CENPU: variants seen among roughly 807,000 people sequenced by gnomAD.
CENPU encodes centromere protein U.
CENPU carries 46 observed loss-of-function variants against 56.7 expected under a neutral mutation model. The ratio of observed to expected loss-of-function variants is 0.81; its 90% CI spans 0.64 to 1.04. The LOEUF is 1.04. Among genes scored for constraint, CENPU ranks in the 50% least tolerant of loss-of-function variants. The pLI is 0.00. For synonymous variants in CENPU, 166 were observed against 163.0 expected (o/e 1.02, Z -0.14); for missense variants, 510 against 490.1 (o/e 1.04, Z -0.38).
rs767363301 is a variant in CENPU at position 184,734,073 on chromosome 4, T to C, written c.-11A>G. On this transcript the variant is annotated 5_prime_UTR_variant, in exon 1 of 13. Coordinates refer to ENST00000281453, the MANE Select transcript of CENPU (RefSeq NM_024629.4). ...CCCCCGCGGGGCCATGGTGCCGCTC[T>C]CCGCTCTCGAGCGACTGGAAGCTCC... The C allele has an allele frequency of 4.3e-5, 67 of 1,549,678 alleles. No individual in the cohort carries two copies. Among genetic ancestry groups the C allele is most frequent in the Non-Finnish European group, 5.4e-5 (62 of 1,149,048 alleles).
chr4:184,729,073 C>T, intron 2 of CENPU, 38 bp from the exon 3 acceptor site: 1 of 1,448,288 alleles, frequency 6.9e-7, no homozygotes, highest in East Asian at 2.3e-5. Context: ...AGTTGGCTCT[C>T]ACAAAGAACA....
intron 4 of CENPU, among the ~76,000 whole-genome samples, chr4:184,721,073 C>T (rs1190307887): frequency 6.6e-6 from 1 of 151,962 alleles, no homozygotes; most frequent in African/African-American, 2.4e-5. Context: ...AAAACATAAA[C>T]AGTACAATAA....
chr4:184,698,715 C>A (rs1015748050), intron 11 of CENPU, among the ~76,000 whole-genome samples: 1 of 152,186 alleles, frequency 6.6e-6, no homozygotes, highest in Admixed American at 6.5e-5. Context: ...TCCCAAAGTG[C>A]TGGGACTACA....
Position 184,694,910 on chromosome 4 carries a change from A to ACTT in CENPU, c.*375_*377dup, listed in dbSNP as rs905551745. Reference sequence around the variant, plus strand: ...CTTTGCTTTCCAATTTTTGTTTTTTACTTCTGTAAACCAATTTCATTAAAA... The same window carrying ACTT: ...CTTTGCTTTCCAATTTTTGTTTTTTACTTCTTCTGTAAACCAATTTCATTAAAA... On this transcript the variant is annotated 3_prime_UTR_variant, in exon 13 of 13. Coordinates refer to ENST00000281453, the MANE Select transcript of CENPU (RefSeq NM_024629.4). 150 of 718,390 alleles carry ACTT rather than the reference A, an allele frequency of 2.1e-4. No individual in the cohort carries two copies. The highest frequency in any genetic ancestry group is 7.7e-4 in the Admixed American group (25 of 32,464). The allele number at this position is 718,390 out of a possible 1,614,324, so 44.5% of individuals were successfully genotyped here.
chr4:184,716,414 C>T lies in CENPU; in HGVS notation c.601G>A (p.Ala201Thr), dbSNP rs371081147. ...GTTCTTACCGATTGACTTTCTATTG[C>T]CAAGTTCTCTTTTTCAACAGAGGGC... ...AQPSVEKENLAIESQSKTQKK... is the reference protein window; with the variant it reads ...AQPSVEKENLTIESQSKTQKK... The change falls in exon 6 of 13, where the codon GCA becomes ACA. Residue 201 changes from alanine to threonine, a missense_variant. Physicochemically the swap from Ala to Thr is moderately conservative, Grantham distance 58 (BLOSUM62 0). Transcript: ENST00000281453. 6 of 1,613,808 alleles carry T rather than the reference C, an allele frequency of 3.7e-6. No homozygotes were observed. Among genetic ancestry groups the T allele is most frequent in the African/African-American group, 1.3e-5 (1 of 74,988 alleles).
chr4:184,728,977 A>G lies in CENPU; in HGVS notation c.155T>C (p.Val52Ala). Residue 52 changes from valine (V) to alanine (A), a missense_variant, in exon 3 of 13, where the codon GTC becomes GCC. By Grantham distance (64) the Val-to-Ala change is moderately conservative. Transcript: ENST00000281453. ...DVFDFPDNSDVSSIGRLGENE... is the reference protein window; with the variant it reads ...DVFDFPDNSDASSIGRLGENE... ...TTCACCCAGCCTGCCAATGCTTGAG[A>G]CATCAGAATTATCAGGAAAGTCGAA... 2 of 1,614,170 alleles carry G rather than the reference A, an allele frequency of 1.2e-6. No homozygotes were observed. The highest frequency in any genetic ancestry group is 2.7e-5 in the African/African-American group (2 of 75,054).
chr4:184,730,993 G>A (rs3806796), intron 1 of CENPU, 25 bp from the exon 2 acceptor site: 987,912 of 1,533,388 alleles, frequency 0.64, 327,689 homozygotes, highest in Non-Finnish European at 0.69. Context: ...AAAAACACAA[G>A]AGTTAGGAAA....
chr4:184,716,157 A>G (rs2150218034), intron 6 of CENPU, among the ~76,000 whole-genome samples: 1 of 152,012 alleles, frequency 6.6e-6, no homozygotes, highest in South Asian at 2.1e-4. Context: ...CTGGTCTTGA[A>G]CTTCTGACCT....
At chr4:184,708,273 A>T (rs1185878267) in intron 8 of CENPU, among the ~76,000 whole-genome samples, 1 of 151,670 alleles carries the variant, frequency 6.6e-6, no homozygotes, top group African/African-American at 2.4e-5. Context: ...AAGCTAAGTT[A>T]AATAAAGAAC....
At position 184,695,159 on chromosome 4, in the gene CENPU, A is replaced by G; in HGVS notation, c.*129T>C. 1 of 659,314 alleles carries G rather than the reference A, an allele frequency of 1.5e-6. No individual in the cohort carries two copies. The allele number at this position is 659,314 out of a possible 1,614,324, so 40.8% of individuals were successfully genotyped here. On this transcript the variant is annotated 3_prime_UTR_variant, in exon 13 of 13. Transcript: ENST00000281453. ...CATTGTTCACAGCCATTTAATTTGA[A>G]TAACAAATTTTAGATTCTAAGTAGG...
chr4:184,708,647 G>A (rs1018784306), intron 8 of CENPU, among the ~76,000 whole-genome samples: 2 of 151,982 alleles, frequency 1.3e-5, no homozygotes, highest in African/African-American at 2.4e-5. Flanking sequence ...AGAATACAAA[G>A]TTTCCAAAGT....
chr4:184,728,129 T>C (rs1170512104), intron 3 of CENPU, among the ~76,000 whole-genome samples: 1 of 152,228 alleles, frequency 6.6e-6, no homozygotes, highest in Non-Finnish European at 1.5e-5. Context: ...GTGAATTTTA[T>C]GGTATGTGAA....
At position 184,694,521 on chromosome 4, in the gene CENPU, GGAA is replaced by G. The variant is rs753812516; in HGVS notation, c.*764_*766del. The G allele has an allele frequency of 1.6e-4, 255 of 1,607,962 alleles. No individual in the cohort carries two copies. In the East Asian group the frequency reaches 4.4e-3, roughly 28 times the overall value. ...TCTATCCCTTCACCACTGAAATAAA[GGAA>G]GAAGAGTTTACAACAGATGAAGCAG... On this transcript the variant is annotated 3_prime_UTR_variant, in exon 13 of 13. Coordinates refer to ENST00000281453, the MANE Select transcript of CENPU (RefSeq NM_024629.4).
intron 3 of CENPU, among the ~76,000 whole-genome samples, chr4:184,726,297 C>T (rs1185539126): frequency 6.6e-6 from 1 of 151,714 alleles, no homozygotes; most frequent in African/African-American, 2.4e-5. Flanking sequence ...AATTTAAAAA[C>T]GGGCAAAGGG....
At chr4:184,702,544 C>A (rs553626713) in intron 8 of CENPU, 103 bp from the exon 9 acceptor site, 8 of 683,430 alleles carry the variant, frequency 1.2e-5, no homozygotes, top group East Asian at 3.0e-5. Context: ...TTGGCATATA[C>A]CTTTTTTTAT....
intron 3 of CENPU, among the ~76,000 whole-genome samples, chr4:184,727,383 T>A (rs1280409857): frequency 6.6e-6 from 1 of 152,192 alleles, no homozygotes; most frequent in Non-Finnish European, 1.5e-5. Context: ...AACGTGAATG[T>A]ATTTATCTGC....
chr4:184,709,815 C>CTGGACCA (rs1327536804), intron 8 of CENPU, among the ~76,000 whole-genome samples: 2 of 150,832 alleles, frequency 1.3e-5, no homozygotes, highest in East Asian at 3.9e-4. Flanking sequence ...AAAGGTATCA[C>CTGGACCA]TGGACCATGA....
At chr4:184,715,706 A>C (rs1191923649) in intron 6 of CENPU, among the ~76,000 whole-genome samples, 1 of 152,224 alleles carries the variant, frequency 6.6e-6, no homozygotes, top group African/African-American at 2.4e-5. Context: ...CAAAGCACTT[A>C]TAATTTTTTA....
At position 184,712,920 on chromosome 4, in the gene CENPU, A is replaced by T. The variant is rs748894905; in HGVS notation, c.688+24T>A. On this transcript the variant is annotated intron_variant, in intron 7 of 12. Coordinates refer to ENST00000281453, the MANE Select transcript of CENPU (RefSeq NM_024629.4). The stretch of plus-strand genomic sequence containing the variant: ...CTTATGAAATTCCTGAATGAGTGAC[A>T]AAGTATAAAACATCATTCTCTACCT... 4.1e-6 allele frequency: 6 copies of T among 1,473,862 alleles called. No homozygotes were observed. The East Asian group carries it at 1.1e-4, about 28-fold the overall frequency. The allele number at this position is 1,473,862 out of a possible 1,614,324, so 91.3% of individuals were successfully genotyped here. A position where few individuals can be genotyped will look rare whatever the true frequency, so the allele number is the denominator to read the frequency against.
Sources: allele counts gnomAD v4.1 joint callset (sites outside exome capture counted in the v4.1 genomes callset), GRCh38; gene constraint gnomAD v4.1.1; transcripts MANE v1.5; gene names NCBI Gene and HGNC (gene_info 2026-07-23, HGNC 2026-07-21).